Variants in GLI3 observed in about 807,000 individuals in gnomAD.
GLI3 encodes the protein transcription activator GLI3.
GLI3 carries 20 observed loss-of-function variants against 100.8 expected under a neutral mutation model. The observed-to-expected ratio is 0.20, with a 90% CI of 0.14 to 0.29. The LOEUF is 0.29. GLI3 is among the 10% of genes least tolerant of loss of function. GLI3 has a pLI of 1.00. For synonymous variants in GLI3, 938 were observed against 860.5 expected (o/e 1.09, Z -1.58); for missense variants, 2,040 against 2,128.5 (o/e 0.96, Z 0.82).
At chr7:42,263,458 T>A (rs960843913) in intron 1 of GLI3, among the ~76,000 whole-genome samples, 3 of 150,380 alleles carry the variant, frequency 2.0e-5, no homozygotes, top group Non-Finnish European at 4.4e-5. Flanking sequence ...TTTATTTTTT[T>A]TTTTTGAAAA....
chr7:42,112,537 A>C (rs1785738036), intron 3 of GLI3, among the ~76,000 whole-genome samples: 2 of 152,224 alleles, frequency 1.3e-5, no homozygotes, highest in African/African-American at 4.8e-5. Context: ...AATTACTCTG[A>C]TGTGATTATT....
intron 2 of GLI3, among the ~76,000 whole-genome samples, chr7:42,184,033 G>C (rs1455829015): frequency 6.6e-6 from 1 of 152,202 alleles, no homozygotes; most frequent in African/African-American, 2.4e-5. Context: ...AATGGGGAGG[G>C]ATAATGACAG....
chr7:42,138,420 T>C (rs970130923), intron 3 of GLI3, among the ~76,000 whole-genome samples: 9 of 152,206 alleles, frequency 5.9e-5, no homozygotes, highest in Admixed American at 2.0e-4. Context: ...AGAGGTAAAC[T>C]GCACATTTGA....
chr7:42,032,238 A>C (rs1422724269), intron 7 of GLI3, among the ~76,000 whole-genome samples: 1 of 152,170 alleles, frequency 6.6e-6, no homozygotes, highest in Non-Finnish European at 1.5e-5. Context: ...TATATTGCCA[A>C]AGAAAAAAAA....
intron 4 of GLI3, among the ~76,000 whole-genome samples, chr7:42,071,983 A>T (rs555093285): frequency 3.2e-4 from 48 of 151,506 alleles, no homozygotes; most frequent in Non-Finnish European, 5.5e-4. Context: ...CTCAACAAAG[A>T]AAAAAAAAGG....
chr7:42,105,546 GA>G (rs1785554891), intron 3 of GLI3, among the ~76,000 whole-genome samples: 1 of 152,136 alleles, frequency 6.6e-6, no homozygotes, highest in Admixed American at 6.5e-5. Flanking sequence ...TGGGGAAGGA[GA>G]AAGAAAATCA....
chr7:42,137,836 T>C (rs1367976401), intron 3 of GLI3, among the ~76,000 whole-genome samples: 2 of 152,194 alleles, frequency 1.3e-5, no homozygotes, highest in Non-Finnish European at 2.9e-5. Flanking sequence ...AAATACTACA[T>C]AAAATCGCCT....
At chr7:42,007,222 T>TTA (rs1788482710) in intron 10 of GLI3, among the ~76,000 whole-genome samples, 1 of 122,798 alleles carries the variant, frequency 8.1e-6, no homozygotes, top group Non-Finnish European at 1.6e-5. Flanking sequence ...GGAGGAAATT[T>TTA]AAAAAAAAAA....
At chr7:42,192,239 T>C (rs1322354898) in intron 2 of GLI3, among the ~76,000 whole-genome samples, 1 of 152,112 alleles carries the variant, frequency 6.6e-6, no homozygotes, top group Non-Finnish European at 1.5e-5. Flanking sequence ...CTAAAGTTCA[T>C]CTAGTAAAAA....
chr7:41,992,777 G>A (rs928920108), intron 10 of GLI3, among the ~76,000 whole-genome samples: 3 of 152,262 alleles, frequency 2.0e-5, no homozygotes, highest in Middle Eastern at 6.8e-3. Flanking sequence ...AGCGATTAAG[G>A]CAAGGAAGTA....
At chr7:42,062,387 A>G (rs1025996632) in intron 4 of GLI3, among the ~76,000 whole-genome samples, 1 of 152,198 alleles carries the variant, frequency 6.6e-6, no homozygotes, top group African/African-American at 2.4e-5. Flanking sequence ...ATAGCATCAC[A>G]ATCATTGCAG....
chr7:41,999,680 G>C (rs1033419262), intron 10 of GLI3, among the ~76,000 whole-genome samples: 23 of 152,150 alleles, frequency 1.5e-4, no homozygotes, highest in African/African-American at 5.3e-4. Context: ...ACAAGTGGGG[G>C]CCACTCCTTG....
intron 2 of GLI3, among the ~76,000 whole-genome samples, chr7:42,153,901 A>G (rs1786937478): frequency 6.6e-6 from 1 of 152,072 alleles, no homozygotes; most frequent in South Asian, 2.1e-4. Context: ...AGGACAAGGT[A>G]TTAGGCCCAG....
chr7:42,033,961 A>G (rs977104016), intron 7 of GLI3, among the ~76,000 whole-genome samples: 2 of 152,206 alleles, frequency 1.3e-5, no homozygotes, highest in Middle Eastern at 3.2e-3. Flanking sequence ...TGCTCTCTGA[A>G]TAATGCTTTG....
chr7:42,220,386 G>C (rs150825183), intron 2 of GLI3, among the ~76,000 whole-genome samples: 304 of 152,284 alleles, frequency 2.0e-3, no homozygotes, highest in Non-Finnish European at 3.1e-3. Context: ...CAGATGGATG[G>C]ACAGAAGGAT....
intron 1 of GLI3, among the ~76,000 whole-genome samples, chr7:42,258,550 C>T (rs1461116187): frequency 6.6e-6 from 1 of 152,194 alleles, no homozygotes; most frequent in Non-Finnish European, 1.5e-5. Flanking sequence ...CACCATAACT[C>T]TCTTCTTCCA....
At chr7:42,214,429 T>A (rs545705599) in intron 2 of GLI3, among the ~76,000 whole-genome samples, 35 of 149,676 alleles carry the variant, frequency 2.3e-4, no homozygotes, top group South Asian at 1.5e-3. Context: ...ATTTAATAAT[T>A]GGGATGGAAC....
chr7:42,083,469 A>C (rs1026840438), intron 3 of GLI3, among the ~76,000 whole-genome samples: 1 of 152,220 alleles, frequency 6.6e-6, no homozygotes, highest in Admixed American at 6.5e-5. Flanking sequence ...TTTGTAAATA[A>C]AGTTTTATTG....
intron 1 of GLI3, among the ~76,000 whole-genome samples, chr7:42,247,883 A>T (rs951913480): frequency 2.0e-5 from 3 of 152,224 alleles, no homozygotes; most frequent in Admixed American, 2.0e-4. Flanking sequence ...ACACAGTGGC[A>T]ATGCAGAATA....
Sources: gnomAD v4.1 joint callset for allele counts (sites outside exome capture counted in the v4.1 genomes callset) on GRCh38, gnomAD v4.1.1 for gene constraint, MANE v1.5 for transcripts, NCBI Gene and HGNC (gene_info 2026-07-23, HGNC 2026-07-21) for gene names.